MYC: variants seen among roughly 807,000 people sequenced by gnomAD.
The protein encoded by MYC is MYC proto-oncogene, bHLH transcription factor, also known as myc proto-oncogene protein.
A neutral mutation model predicts 30.5 loss-of-function variants in MYC; 1 was observed. The ratio of observed to expected loss-of-function variants is 0.03; its 90% CI spans 0.01 to 0.16. MYC has a LOEUF of 0.16. Ranked by LOEUF, MYC falls within the 10% of genes least tolerant of loss-of-function variation. The pLI is 1.00. For missense variants in MYC, 508 were observed against 589.0 expected, an observed-to-expected ratio of 0.86 and a Z score of 1.42; for synonymous variants, 267 against 250.7, an observed-to-expected ratio of 1.07 and a Z score of -0.62.
In MYC at chr8:127,736,432, T is replaced by C. The variant is rs2130083318; in HGVS notation, c.-162T>C. The C allele has an allele frequency of 1.4e-6, 1 of 718,804 alleles. No homozygotes were observed. The highest frequency in any genetic ancestry group is 2.3e-6 in the Non-Finnish European group (1 of 432,050). The allele number at this position is 718,804 out of a possible 1,614,324, so 44.5% of individuals were successfully genotyped here. On this transcript the variant is annotated 5_prime_UTR_variant, in exon 1 of 3. Coordinates refer to ENST00000621592, the MANE Select transcript of MYC (RefSeq NM_002467.6). ...AACCCTTGCCGCATCCACGAAACTT[T>C]GCCCATAGCAGCGGGCGGGCACTTT... is the stretch of plus-strand genomic sequence containing the variant.
rs186663828 is a variant in MYC at position 127,738,939 on chromosome 8, C to G, written c.722C>G (p.Ser241Trp). The change falls in exon 2 of 3, where the codon TCG (serine) becomes TGG (tryptophan). Residue 241 changes from serine (S) to tryptophan (W), a missense_variant. Physicochemically the swap from Ser to Trp is radical, Grantham distance 177. This residue lies in a region of MYC where 364 missense variants were observed against 381.1 expected (regional missense o/e 0.96). Coordinates refer to ENST00000621592, the MANE Select transcript of MYC (RefSeq NM_002467.6). The surrounding 1 kb of genome is among the most constrained non-coding windows in gnomAD (Gnocchi z 7.6). ...CCGTCCTCGGATTCTCTGCTCTCCT[C>G]GACGGAGTCCTCCCCGCAGGGCAGC... The G allele has an allele frequency of 1.2e-6, 2 of 1,601,502 alleles. No homozygotes were observed. The highest frequency in any genetic ancestry group is 2.2e-5 in the East Asian group (1 of 44,858).
intron 2 of MYC, among the ~76,000 whole-genome samples, chr8:127,740,195 C>A (rs1320032866): frequency 6.6e-6 from 1 of 152,006 alleles, no homozygotes; most frequent in Non-Finnish European, 1.5e-5. Flanking sequence ...CCTCACGATC[C>A]GCCCACCTCG....
upstream of MYC, chr8:127,735,873 T>C (rs199883308): frequency 7.5e-5 from 30 of 398,652 alleles, no homozygotes; most frequent in Non-Finnish European, 1.1e-4. Context: ...GCTCTCTTAC[T>C]CTGTTTACAT....
Position 127,740,900 on chromosome 8 carries a change from G to A in MYC, c.1307G>A (p.Arg436Gln), listed in dbSNP as rs761932135. 4.2e-5 allele frequency: 68 copies of A among 1,605,068 alleles called. No individual in the cohort carries two copies. The highest frequency in any genetic ancestry group is 7.0e-5 in the Admixed American group (4 of 57,058). The change falls in exon 3 of 3, where the codon CGG (arginine) becomes CAG (glutamine). Residue 436 changes from arginine to glutamine, a missense_variant. This residue lies in a region of MYC where 31 missense variants were observed against 28.3 expected (regional missense o/e 1.09). Coordinates refer to ENST00000621592, the MANE Select transcript of MYC (RefSeq NM_002467.6). ...CTCATTTCTGAAGAGGACTTGTTGC[G>A]GAAACGACGAGAACAGTTGAAACAC...
Position 127,736,319 on chromosome 8 carries a change from C to T in MYC, c.-275C>T, listed in dbSNP as rs1428050464. On this transcript the variant is annotated 5_prime_UTR_variant, in exon 1 of 3. Coordinates refer to ENST00000621592, the MANE Select transcript of MYC (RefSeq NM_002467.6). ...GAGCCGGGCGAGCAGAGCTGCGCTG[C>T]GGGCGTCCTGGGAAGGGAGATCCGG... 2.2e-5 allele frequency: 13 copies of T among 586,136 alleles called. No homozygotes were observed. Among genetic ancestry groups the T allele is most frequent in the Non-Finnish European group, 3.9e-5 (13 of 330,958 alleles). 36.3% of individuals were successfully genotyped at this position (586,136 alleles called of 1,614,324 possible).
At chr8:127,735,497 A>C, upstream of MYC, 1 of 399,358 alleles carries the variant, frequency 2.5e-6, no homozygotes, top group Non-Finnish European at 4.4e-6. Flanking sequence ...TATTTTAATC[A>C]TTCTAGGCAT....
Position 127,741,391 on chromosome 8 carries a change from AAAAAT to A in MYC, c.*441_*445del, listed in dbSNP as rs1381732668. ...TTGATTTTTTTCTATTGTTTTTAGA[AAAAAT>A]AAAATAACTGGCAAATATATCATTG... On this transcript the variant is annotated 3_prime_UTR_variant, in exon 3 of 3. Transcript: ENST00000621592. 2.2e-5 allele frequency: 5 copies of A among 227,858 alleles called. No individual in the cohort carries two copies. The highest frequency in any genetic ancestry group is 6.6e-5 in the African/African-American group (3 of 45,130). 14.1% of individuals were successfully genotyped at this position (227,858 alleles called of 1,614,324 possible).
In MYC at chr8:127,740,864, A is replaced by C. The variant is rs1415084652; in HGVS notation, c.1271A>C (p.Glu424Ala). 1 of 1,613,422 alleles carries C rather than the reference A, an allele frequency of 6.2e-7. No individual in the cohort carries two copies. Among genetic ancestry groups the C allele is most frequent in the Non-Finnish European group, 8.5e-7 (1 of 1,179,846 alleles). Reference sequence around the variant, plus strand: ...GCATACATCCTGTCCGTCCAAGCAGAGGAGCAAAAGCTCATTTCTGAAGAG... The same window carrying C: ...GCATACATCCTGTCCGTCCAAGCAGCGGAGCAAAAGCTCATTTCTGAAGAG... The change falls in exon 3 of 3, where the codon GAG becomes GCG. Residue 424 changes from glutamate to alanine, a missense_variant. This residue lies in a region of MYC where 40 missense variants were observed against 78.4 expected (regional missense o/e 0.51). Transcript: ENST00000621592.
chr8:127,738,387 C>T lies in MYC; in HGVS notation c.170C>T (p.Pro57Leu), dbSNP rs1037072564. The change falls in exon 2 of 3, where the codon CCC becomes CTC. Residue 57 changes from proline to leucine, a missense_variant. Physicochemically the swap from Pro to Leu is moderately conservative, Grantham distance 98. Around this residue, in one of 5 missense-constraint regions of MYC, gnomAD observed 70 missense variants for 84.5 expected, o/e 0.83. Transcript: ENST00000621592. This position sits in a 1 kb window ranked among gnomAD's most constrained non-coding sequence, Gnocchi z 7.6. ...CAGCAGCAGCAGAGCGAGCTGCAGC[C>T]CCCGGCGCCCAGCGAGGATATCTGG... The T allele has an allele frequency of 6.8e-6, 11 of 1,613,982 alleles. No homozygotes were observed. Among genetic ancestry groups the T allele is most frequent in the African/African-American group, 1.3e-5 (1 of 74,946 alleles).
Position 127,741,617 on chromosome 8 carries a change from G to C in MYC, c.*659G>C, listed in dbSNP as rs1394760437. On this transcript the variant is annotated 3_prime_UTR_variant, in exon 3 of 3. Coordinates refer to ENST00000621592, the MANE Select transcript of MYC (RefSeq NM_002467.6). Reference sequence around the variant, plus strand: ...TTCTAAGATGCTTCCTGGAGACTATGATAACAGCCAGAGTTGACAGTTAGA... The same window carrying C: ...TTCTAAGATGCTTCCTGGAGACTATCATAACAGCCAGAGTTGACAGTTAGA... Among the ~76,000 whole-genome samples the C allele has an allele frequency of 6.6e-6, 1 of 152,170 alleles. No homozygotes were observed. Among genetic ancestry groups the C allele is most frequent in the Non-Finnish European group, 1.5e-5 (1 of 68,016 alleles).
chr8:127,737,739 G>T (rs1349493065), intron 1 of MYC, among the ~76,000 whole-genome samples: 1 of 152,266 alleles, frequency 6.6e-6, no homozygotes, highest in Admixed American at 6.5e-5. Flanking sequence ...CGGTGCCGGC[G>T]GGGGTAGGAG....
chr8:127,740,796 C>T lies in MYC; in HGVS notation c.1203C>T (p.Asn401=), dbSNP rs2130106895. 1.2e-6 allele frequency: 2 copies of T among 1,613,994 alleles called. No homozygotes were observed. Among genetic ancestry groups the T allele is most frequent in the Non-Finnish European group, 1.7e-6 (2 of 1,180,008 alleles). The stretch of plus-strand genomic sequence containing the variant: ...GTGACCAGATCCCGGAGTTGGAAAA[C>T]AATGAAAAGGCCCCCAAGGTAGTTA... The change falls in exon 3 of 3, where the codon AAC becomes AAT. Residue 401 remains asparagine (N), a synonymous_variant. Coordinates refer to ENST00000621592, the MANE Select transcript of MYC (RefSeq NM_002467.6).
intron 2 of MYC, 119 bp from the exon 3 acceptor site, chr8:127,740,277 A>T: frequency 9.3e-7 from 1 of 1,071,660 alleles, no homozygotes; most frequent in Non-Finnish European, 1.3e-6. Context: ...TGGGGAGATA[A>T]TTTTGTCCAG....
intron 2 of MYC, among the ~76,000 whole-genome samples, chr8:127,739,760 A>G (rs1409161767): frequency 6.6e-6 from 1 of 152,060 alleles, no homozygotes; most frequent in Non-Finnish European, 1.5e-5. Flanking sequence ...TTCTTGGTAA[A>G]GTCCCTCAAA....
Position 127,738,211 on chromosome 8 carries a change from C to T in MYC, c.31-37C>T. The T allele has an allele frequency of 1.3e-6, 2 of 1,544,328 alleles. No individual in the cohort carries two copies. Among genetic ancestry groups the T allele is most frequent in the East Asian group, 2.3e-5 (1 of 44,204 alleles). On this transcript the variant is annotated intron_variant, in intron 1 of 2. Coordinates refer to ENST00000621592, the MANE Select transcript of MYC (RefSeq NM_002467.6). This position sits in a 1 kb window ranked among gnomAD's most constrained non-coding sequence, Gnocchi z 7.6. ...GGTTTCCGCACCAAGACCCCTTTAA[C>T]TCAAGACTGCCTCCCGCTTTGTGTG...
In MYC at chr8:127,736,267, G is replaced by C. The variant is rs1419095564; in HGVS notation, c.-327G>C. The C allele has an allele frequency of 3.7e-6, 2 of 541,130 alleles. No individual in the cohort carries two copies. The highest frequency in any genetic ancestry group is 6.0e-5 in the East Asian group (2 of 33,374). The allele number at this position is 541,130 out of a possible 1,614,324, so 33.5% of individuals were successfully genotyped here. A position where few individuals can be genotyped will look rare whatever the true frequency, so the allele number is the denominator to read the frequency against. On this transcript the variant is annotated 5_prime_UTR_variant, in exon 1 of 3. Coordinates refer to ENST00000621592, the MANE Select transcript of MYC (RefSeq NM_002467.6). Reference sequence around the variant, plus strand: ...GTAATTCCAGCGAGAGGCAGAGGGAGCGAGCGGGCGGCCGGCTAGGGTGGA... The same window carrying C: ...GTAATTCCAGCGAGAGGCAGAGGGACCGAGCGGGCGGCCGGCTAGGGTGGA...
intron 2 of MYC, 114 bp downstream of exon 2, chr8:127,739,133 G>C: frequency 1.7e-6 from 2 of 1,201,922 alleles, no homozygotes; most frequent in Non-Finnish European, 1.1e-6. Flanking sequence ...TAGCAGATCT[G>C]GAGAGATTTG....
intron 1 of MYC, among the ~76,000 whole-genome samples, chr8:127,737,342 A>T (rs1813610015): frequency 6.6e-6 from 1 of 152,214 alleles, no homozygotes; most frequent in South Asian, 2.1e-4. Flanking sequence ...TTGACTTGGA[A>T]AAACCAGGGC....
In MYC at chr8:127,740,718, C is replaced by A. The variant is rs777230092; in HGVS notation, c.1125C>A (p.Asn375Lys). 1 of 1,614,068 alleles carries A rather than the reference C, an allele frequency of 6.2e-7. No individual in the cohort carries two copies. Among genetic ancestry groups the A allele is most frequent in the Non-Finnish European group, 8.5e-7 (1 of 1,180,016 alleles). ...AGAATGTCAAGAGGCGAACACACAACGTCTTGGAGCGCCAGAGGAGGAACG... is the reference window on the plus strand; with the variant it reads ...AGAATGTCAAGAGGCGAACACACAAAGTCTTGGAGCGCCAGAGGAGGAACG... Residue 375 changes from asparagine (N) to lysine (K), a missense_variant, in exon 3 of 3, where the codon AAC becomes AAA. Transcript: ENST00000621592.
Sources: allele counts gnomAD v4.1 joint callset (sites outside exome capture counted in the v4.1 genomes callset), GRCh38; gene constraint gnomAD v4.1.1; regional missense constraint gnomAD v4.1.1; non-coding constraint Gnocchi (gnomAD v3.1); transcripts MANE v1.5; gene names NCBI Gene and HGNC (gene_info 2026-07-23, HGNC 2026-07-21).